Variants in USP6 observed in about 807,000 individuals in gnomAD.
USP6 encodes the protein ubiquitin specific peptidase 6, also known as ubiquitin carboxyl-terminal hydrolase 6.
A neutral mutation model predicts 175.7 loss-of-function variants in USP6; 128 were observed. That is an observed-to-expected ratio of 0.73 (90% CI 0.63 to 0.84). The LOEUF (loss-of-function observed/expected upper bound fraction) is 0.84, where lower values mean the gene tolerates loss of function less well. Ranked by LOEUF, USP6 falls within the 40% of genes least tolerant of loss-of-function variation. USP6 has a pLI of 0.00. For synonymous variants in USP6, 562 were observed against 630.6 expected (o/e 0.89, Z 1.63); for missense variants, 1,498 against 1,760.3 (o/e 0.85, Z 2.67).
chr17:5,137,969 C>T, intron 20 of USP6, 152 bp from the exon 21 acceptor site: 1 of 1,519,142 alleles, frequency 6.6e-7, no homozygotes, highest in Non-Finnish European at 8.8e-7. Context: ...TCCAGATCAC[C>T]CCCCAGCCAC....
chr17:5,133,554 T>C lies in USP6; in HGVS notation c.384+4T>C, dbSNP rs3867174. 1,233,346 of 1,603,804 alleles carry C rather than the reference T, an allele frequency of 0.77. 484,916 individuals carry two copies. The highest frequency in any genetic ancestry group is 0.82 in the Non-Finnish European group (958,321 of 1,175,200). On this transcript the variant is annotated splice_donor_region_variant and intron_variant, in intron 14 of 37. Transcript: ENST00000574788. ...GAAAAACCCCGGAAGATACCAGGTA[T>C]GCTCAGCCAGAGCACAACAAACAGG...
Position 5,138,266 on chromosome 17 carries a change from A to G in USP6, c.1071A>G (p.Pro357=), listed in dbSNP as rs1215585458. 1.2e-6 allele frequency: 2 copies of G among 1,613,060 alleles called. No individual in the cohort carries two copies. The highest frequency in any genetic ancestry group is 1.7e-5 in the Admixed American group (1 of 59,968). ...TAACAAGGAAGCAAGGGGACCTGCC[A>G]CCCCCAGGTGGGCTCCAGTGCCATG... ...KKLTRKQGDL[P]PPAKREQGSL... is the part of the protein sequence containing the mutation. The change falls in exon 21 of 38, where the codon CCA becomes CCG. Residue 357 remains proline (P), a synonymous_variant. Coordinates refer to ENST00000574788, the MANE Select transcript of USP6 (RefSeq NM_001304284.2).
chr17:5,135,673 T>G (rs2073230028), intron 16 of USP6, 135 bp from the exon 17 acceptor site: 1 of 1,578,518 alleles, frequency 6.3e-7, no homozygotes, highest in African/African-American at 1.3e-5. Context: ...ATGAAATGAA[T>G]TTGCATCCTG....
intron 27 of USP6, among the ~76,000 whole-genome samples, chr17:5,145,780 G>C (rs1445041810): frequency 6.6e-6 from 1 of 152,088 alleles, no homozygotes; most frequent in East Asian, 1.9e-4. Context: ...AAATATGCCA[G>C]CAACTCTCTT....
chr17:5,137,064 G>T, intron 18 of USP6, 57 bp from the exon 19 acceptor site: 1 of 1,573,062 alleles, frequency 6.4e-7, no homozygotes, highest in Middle Eastern at 1.7e-4. Context: ...GGCCCTGGAA[G>T]ATGGAGGTTT....
At chr17:5,168,422 T>C (rs1473705584) in intron 34 of USP6, among the ~76,000 whole-genome samples, 2 of 152,232 alleles carry the variant, frequency 1.3e-5, no homozygotes, top group African/African-American at 4.8e-5. Context: ...GAATGTGAAC[T>C]TCAGGAGAGG....
At position 5,139,586 on chromosome 17, in the gene USP6, T is replaced by C. The variant is rs755040985; in HGVS notation, c.1410T>C (p.His470=). Residue 470 remains histidine (H), a synonymous_variant, in exon 22 of 38, where the codon CAT becomes CAC. Coordinates refer to ENST00000574788, the MANE Select transcript of USP6 (RefSeq NM_001304284.2). ...ATATAGGGGGCCCTTGGTTCCCCCA[T>C]TATGATTTTGAATGGAGCTGCTGGG... The part of the protein sequence containing the change: ...DLDIGGPWFP[H]YDFEWSCWVR... 2 of 1,613,750 alleles carry C rather than the reference T, an allele frequency of 1.2e-6. No individual in the cohort carries two copies. The highest frequency in any genetic ancestry group is 2.2e-5 in the East Asian group (1 of 44,874).
rs1255504323 is a variant in USP6 at position 5,170,618 on chromosome 17, A to G, written c.3657A>G (p.Ser1219=). ...AGATTGGCAGCAAAAATAAGCCGTC[A>G]AGTAGTAAGAAGAACTTGGATGCCA... is the stretch of plus-strand genomic sequence containing the variant. ...LPQIGSKNKP[S]SSKKNLDASK... is the part of the protein sequence containing the mutation. Residue 1219 remains serine, a synonymous_variant, in exon 36 of 38, where the codon TCA becomes TCG. Transcript: ENST00000574788. The G allele has an allele frequency of 6.2e-7, 1 of 1,613,600 alleles. No individual in the cohort carries two copies.
chr17:5,124,045 A>C (rs1163516984), intron 4 of USP6, among the ~76,000 whole-genome samples: 3 of 152,204 alleles, frequency 2.0e-5, no homozygotes, highest in African/African-American at 7.2e-5. Flanking sequence ...CTACCAGGAC[A>C]CGGAGTCACA....
chr17:5,116,082 A>T lies in USP6; in HGVS notation c.-2586A>T, dbSNP rs368248757. On this transcript the variant is annotated 5_prime_UTR_variant, in exon 1 of 38. The change abolishes an upstream ATG in the 5' untranslated region. Transcript: ENST00000574788. The stretch of plus-strand genomic sequence containing the variant: ...GGCGGGCCCCGACGCCCAGCTCCAA[A>T]TGCGTGGCCGCTGTGGGAGCTCGTC... 1.0e-3 allele frequency among the ~76,000 whole-genome samples: 158 copies of T among 152,268 alleles called. 1 individual carries two copies. The highest frequency in any genetic ancestry group is 3.4e-3 in the African/African-American group (143 of 41,566).
In USP6 at chr17:5,132,450, C is replaced by A. The variant is rs571698833; in HGVS notation, c.195+15C>A. On this transcript the variant is annotated intron_variant, in intron 12 of 37. Coordinates refer to ENST00000574788, the MANE Select transcript of USP6 (RefSeq NM_001304284.2). The surrounding 1 kb of genome is among the most constrained non-coding windows in gnomAD (Gnocchi z 4.7). ...GGGAGGCGAAGGTAAGAGCCTGATG[C>A]GTGGAGGGGCTGGTCCAGGGACGTA... 1 of 1,611,904 alleles carries A rather than the reference C, an allele frequency of 6.2e-7. No individual in the cohort carries two copies. The highest frequency in any genetic ancestry group is 2.2e-5 in the East Asian group (1 of 44,882).
intron 33 of USP6, among the ~76,000 whole-genome samples, chr17:5,166,897 T>C (rs1239828741): frequency 6.6e-6 from 1 of 152,064 alleles, no homozygotes; most frequent in Non-Finnish European, 1.5e-5. Flanking sequence ...TACACTTGAC[T>C]CCTTCTTGCT....
intron 30 of USP6, among the ~76,000 whole-genome samples, chr17:5,151,010 T>C (rs1414768307): frequency 6.6e-6 from 1 of 152,162 alleles, no homozygotes; most frequent in African/African-American, 2.4e-5. Context: ...TAAGGATACT[T>C]ATCACTGAAT....
At position 5,144,206 on chromosome 17, in the gene USP6, T is replaced by C. The variant is rs145481137; in HGVS notation, c.1819-484T>C. Among the ~76,000 whole-genome samples the C allele has an allele frequency of 3.3e-3, 499 of 152,128 alleles. 5 individuals are homozygous for C. The highest frequency in any genetic ancestry group is 4.8e-3 in the Non-Finnish European group (329 of 67,974). On this transcript the variant is annotated intron_variant, in intron 25 of 37. Coordinates refer to ENST00000574788, the MANE Select transcript of USP6 (RefSeq NM_001304284.2). The stretch of plus-strand genomic sequence containing the variant: ...CAACAAGACCAGAAAATGTAATTGT[T>C]GAAGACAACATTACATTATATAAAA...
chr17:5,173,054 C>A lies in USP6; in HGVS notation c.*76C>A. The A allele has an allele frequency of 6.5e-7, 1 of 1,527,852 alleles. No homozygotes were observed. The highest frequency in any genetic ancestry group is 8.9e-7 in the Non-Finnish European group (1 of 1,124,412). 94.6% of individuals were successfully genotyped at this position (1,527,852 alleles called of 1,614,324 possible). ...TGTAGCTGATACTTGGCAAAAGTGTCACTGAAAGACAAGCTAAATGTAGTT... is the reference window on the plus strand; with the variant it reads ...TGTAGCTGATACTTGGCAAAAGTGTAACTGAAAGACAAGCTAAATGTAGTT... On this transcript the variant is annotated 3_prime_UTR_variant, in exon 38 of 38. Transcript: ENST00000574788.
rs889477827 is a variant in USP6 at position 5,139,327 on chromosome 17, G to T, written c.1151G>T (p.Gly384Val). 6.2e-7 allele frequency: 1 copy of T among 1,611,644 alleles called. No individual in the cohort carries two copies. The highest frequency in any genetic ancestry group is 8.5e-7 in the Non-Finnish European group (1 of 1,180,024). ...ASRGGKTLCK[G>V]YRQAPPGPPA... ...CGTGGTGGGAAGACCCTCTGCAAGG[G>T]GTATAGGCAGGCCCCTCCAGGCCCA... Residue 384 changes from glycine to valine, a missense_variant, in exon 22 of 38, where the codon GGG becomes GTG. By Grantham distance (109) the Gly-to-Val change is moderately radical. Around this residue, in one of 2 missense-constraint regions of USP6, gnomAD observed 1,217 missense variants for 1,500.8 expected, o/e 0.81. Transcript: ENST00000574788.
intron 33 of USP6, among the ~76,000 whole-genome samples, 199 bp from the exon 34 acceptor site, chr17:5,167,733 A>G (rs2074123606): frequency 6.6e-6 from 1 of 152,028 alleles, no homozygotes. Flanking sequence ...GAACTCCTGG[A>G]CTCAAGCGAT....
At chr17:5,155,800 C>A (rs1184646665) in intron 31 of USP6, among the ~76,000 whole-genome samples, 194 bp downstream of exon 31, 75 of 152,268 alleles carry the variant, frequency 4.9e-4, no homozygotes, top group Non-Finnish European at 2.2e-4. Context: ...AGAGAGCATA[C>A]AATTCAACCA....
At chr17:5,169,693 C>T (rs950774391) in intron 35 of USP6, among the ~76,000 whole-genome samples, 8 of 152,316 alleles carry the variant, frequency 5.3e-5, no homozygotes, top group Admixed American at 6.5e-5. Flanking sequence ...CCTCCTGCTT[C>T]GGCCTCCTAA....
Sources: allele counts gnomAD v4.1 joint callset (sites outside exome capture counted in the v4.1 genomes callset), GRCh38; gene constraint gnomAD v4.1.1; regional missense constraint gnomAD v4.1.1; non-coding constraint Gnocchi (gnomAD v3.1); transcripts MANE v1.5; gene names NCBI Gene and HGNC (gene_info 2026-07-23, HGNC 2026-07-21).